Variants in SH3GLB2 observed in about 807,000 individuals in gnomAD.
SH3GLB2 encodes the protein endophilin-B2.
A neutral mutation model predicts 48.0 loss-of-function variants in SH3GLB2; 24 were observed. The observed-to-expected ratio is 0.50, with a 90% CI of 0.36 to 0.70. The LOEUF (loss-of-function observed/expected upper bound fraction) is 0.70, where lower values mean the gene tolerates loss of function less well. Among genes scored for constraint, SH3GLB2 ranks in the 30% least tolerant of loss-of-function variants. The pLI, the probability that SH3GLB2 is intolerant of heterozygous loss-of-function variation, is 0.00. For missense variants in SH3GLB2, 425 were observed against 516.0 expected, an observed-to-expected ratio of 0.82 and a Z score of 1.71; for synonymous variants, 227 against 207.6, an observed-to-expected ratio of 1.09 and a Z score of -0.80.
chr9:129,017,833 G>T (rs1472811538), intron 3 of SH3GLB2, among the ~76,000 whole-genome samples: 2 of 151,774 alleles, frequency 1.3e-5, no homozygotes, highest in South Asian at 2.1e-4. Context: ...GAGAGGCGGA[G>T]GTTGCAGTGA....
chr9:129,022,473 A>C, intron 1 of SH3GLB2, 50 bp from the exon 2 acceptor site: 2 of 626,830 alleles, frequency 3.2e-6, no homozygotes, highest in African/African-American at 2.1e-5. Context: ...GCTCAGAAGG[A>C]GGTGGGGGAG....
chr9:129,027,576 G>A (rs17485751), intron 1 of SH3GLB2, among the ~76,000 whole-genome samples: 108 of 152,284 alleles, frequency 7.1e-4, no homozygotes, highest in African/African-American at 2.5e-3. Context: ...CCGTGGAGCA[G>A]AAAAGAAACA....
intron 8 of SH3GLB2, 119 bp from the exon 9 acceptor site, chr9:129,009,990 C>T (rs983906188): frequency 5.2e-6 from 7 of 1,349,878 alleles, no homozygotes; most frequent in Admixed American, 1.8e-5. Context: ...CCTGCCCCTG[C>T]GCCCACACCC....
chr9:129,010,211 TGGGCA>T lies in SH3GLB2; in HGVS notation c.649-7_649-3del, dbSNP rs1383502016. The T allele has an allele frequency of 4.3e-6, 7 of 1,613,400 alleles. No individual in the cohort carries two copies. In the Admixed American group the frequency reaches 5.0e-5, roughly 12 times the overall value. ...GGCCACGCGGAGCTCCTGCTCGGCC[TGGGCA>T]GGGCAGGGCAGCCATGAGCACCCAC... is the stretch of plus-strand genomic sequence containing the variant. On this transcript the variant is annotated splice_region_variant and splice_polypyrimidine_tract_variant and intron_variant, in intron 7 of 10. Coordinates refer to ENST00000372564, the MANE Select transcript of SH3GLB2 (RefSeq NM_020145.4).
At chr9:129,025,986 C>T (rs1844139939) in intron 1 of SH3GLB2, among the ~76,000 whole-genome samples, 1 of 152,126 alleles carries the variant, frequency 6.6e-6, no homozygotes, top group Non-Finnish European at 1.5e-5. Flanking sequence ...CTCCTCCTGC[C>T]CTCTCCCACC....
intron 3 of SH3GLB2, among the ~76,000 whole-genome samples, 186 bp downstream of exon 3, chr9:129,020,905 A>AC (rs1200847986): frequency 2.0e-5 from 3 of 151,816 alleles, no homozygotes; most frequent in African/African-American, 7.3e-5. Flanking sequence ...ACACACACAC[A>AC]AACCAAAACT....
At chr9:129,015,048 AACCT>A in intron 3 of SH3GLB2, 144 bp from the exon 4 acceptor site, 1 of 993,790 alleles carries the variant, frequency 1.0e-6, no homozygotes, top group East Asian at 2.4e-5. Context: ...AAGCAGAAGC[AACCT>A]ACACTACACC....
intron 1 of SH3GLB2, among the ~76,000 whole-genome samples, chr9:129,024,886 C>A (rs1354166527): frequency 6.7e-6 from 1 of 149,686 alleles, no homozygotes; most frequent in Admixed American, 6.7e-5. Context: ...AGGAGAATGG[C>A]ATCAACCTGG....
Position 129,008,540 on chromosome 9 carries a change from A to G in SH3GLB2, c.*144T>C, listed in dbSNP as rs972190274. ...GCCATTCAGCCTCAGGCACCCTCAC[A>G]GCTAGGTGACTAGGGGCAGGGACAG... On this transcript the variant is annotated 3_prime_UTR_variant, in exon 11 of 11. Transcript: ENST00000372564. 3 of 657,312 alleles carry G rather than the reference A, an allele frequency of 4.6e-6. No homozygotes were observed. The highest frequency in any genetic ancestry group is 1.8e-5 in the African/African-American group (1 of 56,320). The allele number at this position is 657,312 out of a possible 1,614,324, so 40.7% of individuals were successfully genotyped here.
Position 129,022,410 on chromosome 9 carries a change from TTCTCCTCCGTGAACTACGCAGA to T in SH3GLB2, c.64-9_76del. 6.2e-7 allele frequency: 1 copy of T among 1,613,918 alleles called. No individual in the cohort carries two copies. The highest frequency in any genetic ancestry group is 8.5e-7 in the Non-Finnish European group (1 of 1,179,970). ...CTCAGTCTTCTCAGCCTGGCCAAAT[TTCTCCTCCGTGAACTACGCAGA>T]GGGGAAGGCCAAGGGGTGGGGAGGG... On this transcript the variant is annotated splice_acceptor_variant and splice_polypyrimidine_tract_variant and coding_sequence_variant and intron_variant, in exon 2 of 11. Transcript: ENST00000372564. LOFTEE classifies it high-confidence loss of function.
intron 3 of SH3GLB2, among the ~76,000 whole-genome samples, chr9:129,017,733 C>T (rs1285551530): frequency 1.3e-5 from 2 of 150,042 alleles, no homozygotes; most frequent in African/African-American, 4.9e-5. Context: ...CCCGTCTCCA[C>T]TGAAAAAAAA....
intron 1 of SH3GLB2, among the ~76,000 whole-genome samples, chr9:129,022,715 C>G (rs1039369675): frequency 8.5e-5 from 13 of 152,230 alleles, no homozygotes; most frequent in African/African-American, 3.1e-4. Context: ...CAATCTGGCA[C>G]ACAGCTTAGT....
chr9:129,028,202 C>T lies in SH3GLB2; in HGVS notation c.-48G>A, dbSNP rs1299189018. 1 of 1,188,228 alleles carries T rather than the reference C, an allele frequency of 8.4e-7. No homozygotes were observed. Among genetic ancestry groups the T allele is most frequent in the Non-Finnish European group, 1.0e-6 (1 of 960,842 alleles). The allele number at this position is 1,188,228 out of a possible 1,614,324, so 73.6% of individuals were successfully genotyped here. ...GCACGGCCCGAGCGCAGCCGGCAGC[C>T]CCCGGCCCAGCCGCCGCCGCCAACC... is the stretch of plus-strand genomic sequence containing the variant. On this transcript the variant is annotated 5_prime_UTR_variant, in exon 1 of 11. Coordinates refer to ENST00000372564, the MANE Select transcript of SH3GLB2 (RefSeq NM_020145.4).
chr9:129,028,283 T>TGCCCGCCTGCCCGCCCGCCCGCCC lies in SH3GLB2; in HGVS notation c.-130_-129insGGGCGGGCGGGCGGGCAGGCGGGC, dbSNP rs991651738. On this transcript the variant is annotated 5_prime_UTR_variant, in exon 1 of 11. Transcript: ENST00000372564. ...CCCTCCGCGCACCCGCCTGCCGGCC[T>TGCCCGCCTGCCCGCCCGCCCGCCC]GCCCGCCTGCCCGCCCGCCGCAGCC... 1 of 474,428 alleles carries TGCCCGCCTGCCCGCCCGCCCGCCC rather than the reference T, an allele frequency of 2.1e-6. No homozygotes were observed. The highest frequency in any genetic ancestry group is 2.1e-5 in the African/African-American group (1 of 46,568). 29.4% of individuals were successfully genotyped at this position (474,428 alleles called of 1,614,324 possible).
intron 7 of SH3GLB2, 172 bp from the exon 8 acceptor site, chr9:129,010,381 G>GC: frequency 1.5e-6 from 1 of 651,710 alleles, no homozygotes; most frequent in South Asian, 1.9e-5. Flanking sequence ...AGAAGCTAGA[G>GC]CCCCACTCAG....
At chr9:129,022,118 C>T (rs1448462016) in intron 2 of SH3GLB2, among the ~76,000 whole-genome samples, 164 bp downstream of exon 2, 1 of 152,098 alleles carries the variant, frequency 6.6e-6, no homozygotes, top group Non-Finnish European at 1.5e-5. Flanking sequence ...CACAGAGTCC[C>T]CCATTTTCTT....
In SH3GLB2 at chr9:129,021,136, A is replaced by T; in HGVS notation, c.289T>A (p.Tyr97Asn). 1 of 1,612,582 alleles carries T rather than the reference A, an allele frequency of 6.2e-7. No individual in the cohort carries two copies. The highest frequency in any genetic ancestry group is 8.5e-7 in the Non-Finnish European group (1 of 1,179,746). The stretch of plus-strand genomic sequence containing the variant: ...AGCTCACTGGCCGCGTCTGCCATGT[A>T]CTGAGCCAGCAGCTCCCCGTTGGTG... Reference protein sequence around the residue: ...RVTNGELLAQYMADAASELGP... With the variant: ...RVTNGELLAQNMADAASELGP... Residue 97 changes from tyrosine (Y) to asparagine (N), a missense_variant, in exon 3 of 11, where the codon TAC (tyrosine) becomes AAC (asparagine). Tyr to Asn is a moderately radical substitution (Grantham distance 143, BLOSUM62 -2). Coordinates refer to ENST00000372564, the MANE Select transcript of SH3GLB2 (RefSeq NM_020145.4).
At chr9:129,022,990 C>G (rs1843905070) in intron 1 of SH3GLB2, among the ~76,000 whole-genome samples, 1 of 152,162 alleles carries the variant, frequency 6.6e-6, no homozygotes, top group Admixed American at 6.5e-5. Flanking sequence ...GGGGCTCTGC[C>G]TCTCTGAGCA....
intron 1 of SH3GLB2, among the ~76,000 whole-genome samples, chr9:129,027,142 A>G (rs1323346094): frequency 1.3e-5 from 2 of 152,178 alleles, no homozygotes; most frequent in Non-Finnish European, 2.9e-5. Context: ...ACGGTGTTAC[A>G]CCAGATTTAC....
Sources: allele counts gnomAD v4.1 joint callset (sites outside exome capture counted in the v4.1 genomes callset), GRCh38; gene constraint gnomAD v4.1.1; transcripts MANE v1.5; gene names NCBI Gene and HGNC (gene_info 2026-07-23, HGNC 2026-07-21).